LPP: variants seen among roughly 807,000 people sequenced by gnomAD.
The protein encoded by LPP is LIM domain containing preferred translocation partner in lipoma.
LPP carries 38 observed loss-of-function variants against 60.4 expected under a neutral mutation model. The ratio of observed to expected loss-of-function variants is 0.63; its 90% CI spans 0.49 to 0.83. LPP has a LOEUF of 0.83. LPP is among the 40% of genes least tolerant of loss of function. The pLI is 0.00. For missense variants in LPP, 902 were observed against 783.6 expected (o/e 1.15, Z -1.80); for synonymous variants, 328 against 290.8 (o/e 1.13, Z -1.30).
intron 6 of LPP, among the ~76,000 whole-genome samples, chr3:188,566,269 A>G (rs772944615): frequency 6.6e-6 from 1 of 151,966 alleles, no homozygotes; most frequent in Non-Finnish European, 1.5e-5. Flanking sequence ...GATCTGGAAT[A>G]TCATATCTTG....
intron 1 of LPP, among the ~76,000 whole-genome samples, chr3:188,163,114 CT>C (rs916418885): frequency 1.3e-5 from 2 of 152,136 alleles, no homozygotes; most frequent in African/African-American, 4.8e-5. Context: ...CCCACCTTCT[CT>C]TGGGTTTTGT....
intron 10 of LPP, among the ~76,000 whole-genome samples, chr3:188,871,751 A>G (rs1046876516): frequency 6.6e-6 from 1 of 152,146 alleles, no homozygotes; most frequent in East Asian, 1.9e-4. Flanking sequence ...ACCATCTCCA[A>G]TTTCCAGAAG....
intron 6 of LPP, among the ~76,000 whole-genome samples, chr3:188,530,679 A>G (rs949637139): frequency 6.6e-6 from 1 of 152,184 alleles, no homozygotes; most frequent in South Asian, 2.1e-4. Flanking sequence ...GGTTTCCTTT[A>G]GTATCACAAT....
chr3:188,758,263 C>T (rs536549800), intron 8 of LPP, among the ~76,000 whole-genome samples: 6 of 152,090 alleles, frequency 3.9e-5, no homozygotes, highest in Non-Finnish European at 5.9e-5. Context: ...CGGGTTCAAG[C>T]GATTCTCCTG....
At chr3:188,370,310 A>G (rs1278199206) in intron 3 of LPP, among the ~76,000 whole-genome samples, 1 of 152,106 alleles carries the variant, frequency 6.6e-6, no homozygotes, top group Non-Finnish European at 1.5e-5. Flanking sequence ...GCTCATGTAA[A>G]TTCCTGAAGG....
rs548994320 is a variant in LPP at position 188,743,422 on chromosome 3, C to T, written c.1241-16691C>T. On this transcript the variant is annotated intron_variant, in intron 8 of 11. Coordinates refer to ENST00000617246, the MANE Select transcript of LPP (RefSeq NM_001375462.1). ...GCGTGTCCACCCAGAGGAAGAGAATCCTTAGGCCTAAAAGAGCAAAAGTGT... is the reference window on the plus strand; with the variant it reads ...GCGTGTCCACCCAGAGGAAGAGAATTCTTAGGCCTAAAAGAGCAAAAGTGT... Among the ~76,000 whole-genome samples, 161 of 152,008 alleles carry T rather than the reference C, an allele frequency of 1.1e-3. 1 individual carries two copies. In the Middle Eastern group the frequency reaches 0.017, roughly 16 times the overall value.
chr3:188,376,183 C>T (rs557821141), intron 3 of LPP, among the ~76,000 whole-genome samples: 5 of 151,918 alleles, frequency 3.3e-5, no homozygotes, highest in South Asian at 4.2e-4. Flanking sequence ...TGTATTCTGT[C>T]GATTTGGGGT....
Position 188,654,052 on chromosome 3 carries a change from G to T in LPP, c.1113+44208G>T, listed in dbSNP as rs934536858. Among the ~76,000 whole-genome samples the T allele has an allele frequency of 2.0e-5, 3 of 152,164 alleles. No individual in the cohort carries two copies. The East Asian group carries it at 5.8e-4, about 29-fold the overall frequency. Reference sequence around the variant, plus strand: ...CTTGTGTGCTTTCTAAAATGCCCATGACCCTTATTTCATACTTAGGAAATA... The same window carrying T: ...CTTGTGTGCTTTCTAAAATGCCCATTACCCTTATTTCATACTTAGGAAATA... On this transcript the variant is annotated intron_variant, in intron 7 of 11. Transcript: ENST00000617246.
At chr3:188,775,368 C>G (rs750172648) in intron 9 of LPP, among the ~76,000 whole-genome samples, 2 of 152,138 alleles carry the variant, frequency 1.3e-5, no homozygotes, top group Non-Finnish European at 2.9e-5. Context: ...AGTTATTTAA[C>G]AGAGGTTTAT....
In LPP at chr3:188,732,672, C is replaced by T. The variant is rs148796878; in HGVS notation, c.1240+24279C>T. On this transcript the variant is annotated intron_variant, in intron 8 of 11. Coordinates refer to ENST00000617246, the MANE Select transcript of LPP (RefSeq NM_001375462.1). ...GGCGGAGGTTGCAGTGAGCCAAGAT[C>T]ACACCACTGTGTTCCAGCCCTAGCG... Among the ~76,000 whole-genome samples, 831 of 130,614 alleles carry T rather than the reference C, an allele frequency of 6.4e-3. 10 individuals carry two copies. The highest frequency in any genetic ancestry group is 0.022 in the African/African-American group (780 of 34,916). 85.7% of individuals were successfully genotyped at this position (130,614 alleles called of 152,430 possible).
In LPP at chr3:188,609,606, A is replaced by G. The variant is rs753088197; in HGVS notation, c.875A>G (p.Asn292Ser). 2.5e-6 allele frequency: 4 copies of G among 1,614,138 alleles called. No individual in the cohort carries two copies. In the East Asian group the frequency reaches 8.9e-5, roughly 36 times the overall value. The change falls in exon 7 of 12, where the codon AAC becomes AGC. Residue 292 changes from asparagine (N) to serine (S), a missense_variant. Asn to Ser is a conservative substitution (Grantham distance 46). Coordinates refer to ENST00000617246, the MANE Select transcript of LPP (RefSeq NM_001375462.1). This position sits in a 1 kb window ranked among gnomAD's most constrained non-coding sequence, Gnocchi z 6.9. Reference protein sequence around the residue: ...QPEPGYGYAPNQGRYYEGYYA... With the variant: ...QPEPGYGYAPSQGRYYEGYYA... ...GAGCCTGGGTATGGGTATGCCCCCAACCAGGGACGCTATTATGAAGGCTAC... is the reference window on the plus strand; with the variant it reads ...GAGCCTGGGTATGGGTATGCCCCCAGCCAGGGACGCTATTATGAAGGCTAC...
At chr3:188,495,082 A>ATATATATATATATTTT (rs1342207321) in intron 5 of LPP, among the ~76,000 whole-genome samples, 1 of 97,270 alleles carries the variant, frequency 1.0e-5, no homozygotes. Flanking sequence ...ATATATATAT[A>ATATATATATATATTTT]TTTTATTTAT....
chr3:188,519,265 T>A (rs988908162), intron 5 of LPP, among the ~76,000 whole-genome samples: 2 of 152,184 alleles, frequency 1.3e-5, no homozygotes, highest in Non-Finnish European at 2.9e-5. Context: ...AGCTTCCTGA[T>A]GGGATGCAGC....
chr3:188,643,219 C>CA (rs1417308047), intron 7 of LPP, among the ~76,000 whole-genome samples: 1 of 152,144 alleles, frequency 6.6e-6, no homozygotes, highest in Non-Finnish European at 1.5e-5. Flanking sequence ...AAGTTGTACC[C>CA]AGGGCCACAC....
intron 2 of LPP, among the ~76,000 whole-genome samples, chr3:188,255,189 T>A (rs1731252556): frequency 6.6e-6 from 1 of 152,238 alleles, no homozygotes; most frequent in Non-Finnish European, 1.5e-5. Flanking sequence ...GAGAAGGTAC[T>A]GAGAATACCA....
chr3:188,194,279 C>T (rs1022755993), intron 1 of LPP, among the ~76,000 whole-genome samples: 1 of 152,242 alleles, frequency 6.6e-6, no homozygotes, highest in African/African-American at 2.4e-5. Flanking sequence ...CTCATTTCAG[C>T]TTTACACCTT....
intron 7 of LPP, among the ~76,000 whole-genome samples, chr3:188,698,903 T>C (rs1050285685): frequency 6.6e-6 from 1 of 152,212 alleles, no homozygotes; most frequent in African/African-American, 2.4e-5. Context: ...CAACAATTAA[T>C]GTGAAATTCG....
intron 1 of LPP, among the ~76,000 whole-genome samples, chr3:188,174,590 C>A (rs775535495): frequency 2.6e-5 from 4 of 152,130 alleles, no homozygotes; most frequent in South Asian, 2.1e-4. Flanking sequence ...AGGAGCTGAA[C>A]CCTGGAGACA....
At position 188,884,996 on chromosome 3, in the gene LPP, A is replaced by G. The variant is rs1298846734; in HGVS notation, c.*10517A>G. 1.5e-4 allele frequency: 32 copies of G among 213,562 alleles called. No individual in the cohort carries two copies. The highest frequency in any genetic ancestry group is 4.7e-5 in the Non-Finnish European group (5 of 105,570). 13.2% of individuals were successfully genotyped at this position (213,562 alleles called of 1,614,324 possible). A position where few individuals can be genotyped will look rare whatever the true frequency, so the allele number is the denominator to read the frequency against. The stretch of plus-strand genomic sequence containing the variant: ...TTATAATTACAAGGAATTTGGTACC[A>G]TGTTGTTTTCAAAAAACCTCCTAGA... On this transcript the variant is annotated 3_prime_UTR_variant, in exon 12 of 12. Coordinates refer to ENST00000617246, the MANE Select transcript of LPP (RefSeq NM_001375462.1).
Sources: allele counts gnomAD v4.1 joint callset (sites outside exome capture counted in the v4.1 genomes callset), GRCh38; gene constraint gnomAD v4.1.1; non-coding constraint Gnocchi (gnomAD v3.1); transcripts MANE v1.5; gene names NCBI Gene and HGNC (gene_info 2026-07-23, HGNC 2026-07-21).